Variants in GSDMA observed in about 807,000 individuals in gnomAD.
The protein encoded by GSDMA is gasdermin A.
In GSDMA, 55 loss-of-function variants were observed where a neutral mutation model predicts 54.3. That is an observed-to-expected ratio of 1.01 (90% CI 0.82 to 1.27). The LOEUF (loss-of-function observed/expected upper bound fraction) is 1.27, where lower values mean the gene tolerates loss of function less well. GSDMA is among the 50% of genes most tolerant of loss of function. The pLI is 0.00. For synonymous variants in GSDMA, 211 were observed against 224.7 expected (o/e 0.94, Z 0.54); for missense variants, 542 against 542.6 (o/e 1.00, Z 0.01).
chr17:39,963,696 A>C (rs952336179), intron 1 of GSDMA, among the ~76,000 whole-genome samples: 98 of 152,188 alleles, frequency 6.4e-4, no homozygotes, highest in Admixed American at 6.4e-3. Context: ...TCTACTAAAA[A>C]CACAAAAATT....
chr17:39,973,892 G>A, intron 8 of GSDMA, 62 bp downstream of exon 8: 1 of 1,420,396 alleles, frequency 7.0e-7, no homozygotes, highest in Non-Finnish European at 9.9e-7. Context: ...GGGGCAGAGA[G>A]AGGAGAAGGC....
Position 39,970,594 on chromosome 17 carries a change from G to T in GSDMA, c.505G>T (p.Gly169Cys). ...GCAGGAGGTCACACTGGAGCGAGCC[G>T]GCAAGGCAGAGGCCTGCTTCTCCCT... ...TVQEVTLERAGKAEACFSLPF... is the reference protein window; with the variant it reads ...TVQEVTLERACKAEACFSLPF... Residue 169 changes from glycine (G) to cysteine (C), a missense_variant, in exon 4 of 12, where the codon GGC (glycine) becomes TGC (cysteine). Transcript: ENST00000301659. 6.3e-7 allele frequency: 1 copy of T among 1,599,902 alleles called. No individual in the cohort carries two copies. Among genetic ancestry groups the T allele is most frequent in the Non-Finnish European group, 8.5e-7 (1 of 1,173,012 alleles).
In GSDMA at chr17:39,972,110, C is replaced by CCCCCA; in HGVS notation, c.656-18_656-17insCCCAC. 1 of 1,220,258 alleles carries CCCCCA rather than the reference C, an allele frequency of 8.2e-7. No homozygotes were observed. Among genetic ancestry groups the CCCCCA allele is most frequent in the Non-Finnish European group, 1.2e-6 (1 of 832,390 alleles). 75.6% of individuals were successfully genotyped at this position (1,220,258 alleles called of 1,614,324 possible). On this transcript the variant is annotated intron_variant, in intron 5 of 11. Transcript: ENST00000301659. ...AGCTGCTAAGTGTCCTCCCACCCTCCCTCCCTTGCCCTTCACAGATATTCC... is the reference window on the plus strand; with the variant it reads ...AGCTGCTAAGTGTCCTCCCACCCTCCCCCCACTCCCTTGCCCTTCACAGATATTCC...
intron 5 of GSDMA, among the ~76,000 whole-genome samples, 193 bp downstream of exon 5, chr17:39,971,813 G>A (rs1979959140): frequency 6.6e-6 from 1 of 152,216 alleles, no homozygotes; most frequent in South Asian, 2.1e-4. Context: ...CATCTTCTGG[G>A]TGCTGGGCAC....
Position 39,974,937 on chromosome 17 carries a change from T to C in GSDMA, c.944T>C (p.Leu315Pro). The change falls in exon 10 of 12, where the codon CTG becomes CCG. Residue 315 changes from leucine (L) to proline (P), a missense_variant. Physicochemically the swap from Leu to Pro is moderately conservative, Grantham distance 98. Coordinates refer to ENST00000301659, the MANE Select transcript of GSDMA (RefSeq NM_178171.5). ...GALDKGHEVT[L>P]EALPKDVLLS... is the part of the protein sequence containing the mutation. ...CTAGACAAGGGACATGAAGTGACCCTGGAGGCACTCCCAAAAGATGTCCTG... is the reference window on the plus strand; with the variant it reads ...CTAGACAAGGGACATGAAGTGACCCCGGAGGCACTCCCAAAAGATGTCCTG... The C allele has an allele frequency of 6.2e-7, 1 of 1,612,208 alleles. No individual in the cohort carries two copies. Among genetic ancestry groups the C allele is most frequent in the Non-Finnish European group, 8.5e-7 (1 of 1,179,066 alleles).
At position 39,965,674 on chromosome 17, in the gene GSDMA, C is replaced by T; in HGVS notation, c.-5-9C>T. The T allele has an allele frequency of 6.3e-7, 1 of 1,587,180 alleles. No homozygotes were observed. ...ACCTTGACACTCTCCTGTCTCCCCA[C>T]CTCCACAGAGACAATGACCATGTTT... is the stretch of plus-strand genomic sequence containing the variant. On this transcript the variant is annotated splice_polypyrimidine_tract_variant and intron_variant, in intron 1 of 11. Coordinates refer to ENST00000301659, the MANE Select transcript of GSDMA (RefSeq NM_178171.5).
intron 1 of GSDMA, among the ~76,000 whole-genome samples, chr17:39,963,640 G>C (rs1161378166): frequency 1.3e-5 from 2 of 152,140 alleles, no homozygotes; most frequent in African/African-American, 4.8e-5. Context: ...GATCACCTGA[G>C]GTCAGGAGTT....
At chr17:39,974,132 G>C (rs1980085056) in intron 8 of GSDMA, 141 bp from the exon 9 acceptor site, 1 of 942,388 alleles carries the variant, frequency 1.1e-6, no homozygotes, top group Admixed American at 2.9e-5. Flanking sequence ...CCTTGGTAAA[G>C]AAAAATGGGG....
chr17:39,965,739 C>A lies in GSDMA; in HGVS notation c.52C>A (p.Arg18=). 6.2e-7 allele frequency: 1 copy of A among 1,611,866 alleles called. No homozygotes were observed. The highest frequency in any genetic ancestry group is 2.2e-5 in the East Asian group (1 of 44,776). Residue 18 remains arginine, a synonymous_variant, in exon 2 of 12, where the codon CGA becomes AGA. Transcript: ENST00000301659. The part of the protein sequence containing the change: ...TRALARQLNP[R]GDLTPLDSLI... ...GGCCCTGGCCAGACAGCTAAACCCT[C>A]GAGGGGACCTGACACCACTTGACAG...
rs753087828 is a variant in GSDMA, at chr17:39,966,385, G to A, written c.340G>A (p.Glu114Lys). Residue 114 changes from glutamate to lysine, a missense_variant, in exon 3 of 12, where the codon GAG becomes AAG. Coordinates refer to ENST00000301659, the MANE Select transcript of GSDMA (RefSeq NM_178171.5). ...AGGGCTCTCGCAGAACAGCACTCTG[G>A]AGGTCCAGACACTCAGTGTGGCTCC... ...TAGLSQNSTL[E>K]VQTLSVAPKA... 27 of 1,613,644 alleles carry A rather than the reference G, an allele frequency of 1.7e-5. No individual in the cohort carries two copies. Among genetic ancestry groups the A allele is most frequent in the Non-Finnish European group, 2.2e-5 (26 of 1,179,824 alleles).
intron 6 of GSDMA, 110 bp from the exon 7 acceptor site, chr17:39,972,477 C>A: frequency 2.0e-6 from 2 of 996,636 alleles, no homozygotes; most frequent in Non-Finnish European, 1.6e-6. Flanking sequence ...CTAGCATAAT[C>A]TCCCTGTGTT....
At chr17:39,975,894 C>T in intron 10 of GSDMA, 30 bp from the exon 11 acceptor site, 2 of 1,539,554 alleles carry the variant, frequency 1.3e-6, no homozygotes, top group Non-Finnish European at 1.8e-6. Context: ...GCACCAGCAA[C>T]ACACATCTTT....
rs2144801156 is a variant in GSDMA at position 39,977,064 on chromosome 17, C to T, written c.*6C>T. ...AGCTTACCAAGGCCTCCTAATTTGC[C>T]TTTTACGTCTGCTTCATGACTCCCT... On this transcript the variant is annotated 3_prime_UTR_variant, in exon 12 of 12. Transcript: ENST00000301659. 1 of 1,613,644 alleles carries T rather than the reference C, an allele frequency of 6.2e-7. No homozygotes were observed. Among genetic ancestry groups the T allele is most frequent in the South Asian group, 1.1e-5 (1 of 91,078 alleles).
chr17:39,965,205 AGAAAGAAAGAG>A (rs903570298), intron 1 of GSDMA, among the ~76,000 whole-genome samples: 3 of 137,180 alleles, frequency 2.2e-5, no homozygotes, highest in Non-Finnish European at 4.6e-5. Context: ...GAGAGGGGGA[AGAAAGAAAGAG>A]GAAAGAAAGA....
At chr17:39,970,685 TCTCACA>T (rs754239225) in intron 4 of GSDMA, 38 bp downstream of exon 4, 96 of 1,200,110 alleles carry the variant, frequency 8.0e-5, no homozygotes, top group Middle Eastern at 3.0e-4. Context: ...ACACACACAC[TCTCACA>T]CTCACACTCA....
intron 10 of GSDMA, among the ~76,000 whole-genome samples, chr17:39,975,419 A>G (rs139966396): frequency 0.016 from 2,464 of 149,764 alleles, 71 homozygotes; most frequent in African/African-American, 0.057. Flanking sequence ...ATTGCACTCC[A>G]GCCTGGGCAA....
intron 2 of GSDMA, 97 bp downstream of exon 2, chr17:39,965,998 G>C: frequency 8.5e-7 from 1 of 1,180,494 alleles, no homozygotes; most frequent in Non-Finnish European, 1.2e-6. Context: ...TCTGGCCAGA[G>C]GTGATTAGAT....
At position 39,971,607 on chromosome 17, in the gene GSDMA, CAA is replaced by C. The variant is rs765830161; in HGVS notation, c.644_645del (p.Lys215ArgfsTer2). The C allele has an allele frequency of 3.3e-5, 54 of 1,613,282 alleles. No homozygotes were observed. Among genetic ancestry groups the C allele is most frequent in the Admixed American group, 1.0e-4 (6 of 59,980 alleles). On this transcript the variant is annotated frameshift_variant, in exon 5 of 12. Coordinates refer to ENST00000301659, the MANE Select transcript of GSDMA (RefSeq NM_178171.5). LOFTEE classifies it high-confidence loss of function. ...FRVRQLMVKGKDEWDIPHICN... is the reference protein window; with the variant it reads ...FRVRQLMVKGXDEWDIPHICN... Reference sequence around the variant, plus strand: ...GAGTGAGACAGCTGATGGTCAAAGGCAAAGATGAGTGGGGTGAGCAGAGACCC... The same window carrying C: ...GAGTGAGACAGCTGATGGTCAAAGGCAGATGAGTGGGGTGAGCAGAGACCC...
chr17:39,976,699 G>A (rs1479310001), intron 11 of GSDMA, 117 bp from the exon 12 acceptor site: 5 of 1,372,254 alleles, frequency 3.6e-6, no homozygotes, highest in East Asian at 2.3e-5. Flanking sequence ...GGGTTGTAAT[G>A]TAAGGTAAAG....
Sources: allele counts gnomAD v4.1 joint callset (sites outside exome capture counted in the v4.1 genomes callset), GRCh38; gene constraint gnomAD v4.1.1; transcripts MANE v1.5; gene names NCBI Gene and HGNC (gene_info 2026-07-23, HGNC 2026-07-21).